The following DMD variants were observed in gnomAD, a reference collection of about 807,000 sequenced individuals.
The protein encoded by DMD is mutant dystrophin.
A neutral mutation model predicts 330.1 loss-of-function variants in DMD; 63 were observed. The observed-to-expected ratio is 0.19, with a 90% CI of 0.16 to 0.24. DMD has a LOEUF of 0.24. DMD is among the 10% of genes least tolerant of loss of function. The pLI, the probability that DMD is intolerant of heterozygous loss-of-function variation, is 1.00. For missense variants in DMD, 3,344 were observed against 2,684.1 expected, an observed-to-expected ratio of 1.25 and a Z score of -5.43; for synonymous variants, 1,223 against 959.8, an observed-to-expected ratio of 1.27 and a Z score of -5.07.
intron 2 of DMD, among the ~76,000 whole-genome samples, chrX:32,886,421 A>G (rs990976658): frequency 9.0e-6 from 1 of 111,177 alleles, no homozygotes; most frequent in African/African-American, 3.3e-5. Flanking sequence ...CGGTGGCTCA[A>G]GCCTGTAATC....
At chrX:31,250,345 T>A (rs1417689646) in intron 63 of DMD, among the ~76,000 whole-genome samples, 1 of 111,900 alleles carries the variant, frequency 8.9e-6, no homozygotes, top group Non-Finnish European at 1.9e-5. Context: ...CTATGCTTTG[T>A]CTTCTAAAAC....
intron 44 of DMD, among the ~76,000 whole-genome samples, chrX:32,151,993 T>A (rs12014246): frequency 0.015 from 1,735 of 112,214 alleles, 42 homozygotes; most frequent in African/African-American, 0.053. Context: ...AATAGCTGTT[T>A]AAATAGCCCT....
At chrX:31,627,961 T>C (rs1160858133) in intron 54 of DMD, 99 bp from the exon 55 acceptor site, 20 of 789,836 alleles carry the variant, frequency 2.5e-5, no homozygotes, top group Non-Finnish European at 7.5e-6. Context: ...TAAATTGTAA[T>C]ATACCAACAA....
intron 76 of DMD, among the ~76,000 whole-genome samples, chrX:31,141,976 A>G (rs1191308857): frequency 9.0e-6 from 1 of 111,521 alleles, no homozygotes; most frequent in Non-Finnish European, 1.9e-5. Flanking sequence ...TCACTTGGAT[A>G]CAAGCAGACA....
chrX:31,157,678 A>G (rs2038306855), intron 74 of DMD, among the ~76,000 whole-genome samples: 1 of 111,603 alleles, frequency 9.0e-6, no homozygotes, highest in Admixed American at 9.5e-5. Flanking sequence ...ACTTAGTCTT[A>G]AGTTCTCCCA....
In DMD at chrX:31,602,321, G is replaced by GT. The variant is rs773800072; in HGVS notation, c.8217+25351dup. On this transcript the variant is annotated intron_variant, in intron 55 of 78. Coordinates refer to ENST00000357033, the MANE Select transcript of DMD (RefSeq NM_004006.3). ...GTCAATTCACTGGCTCCTTTCTCCA[G>GT]TTTTTTTTTTTTTTTTTAAACACCT... Among the ~76,000 whole-genome samples, 651 of 91,796 alleles carry GT rather than the reference G, an allele frequency of 7.1e-3. 2 individuals are homozygous for GT. Among genetic ancestry groups the GT allele is most frequent in the African/African-American group, 9.6e-3 (247 of 25,817 alleles). 79.7% of individuals were successfully genotyped at this position (91,796 alleles called of 115,157 possible).
intron 2 of DMD, among the ~76,000 whole-genome samples, chrX:32,923,586 T>C (rs1458467299): frequency 9.1e-6 from 1 of 110,251 alleles, no homozygotes; most frequent in Non-Finnish European, 1.9e-5. Flanking sequence ...AAACAAAAAA[T>C]CAACTTTATC....
chrX:32,962,045 G>A (rs1419000364), intron 2 of DMD, among the ~76,000 whole-genome samples: 1 of 111,456 alleles, frequency 9.0e-6, no homozygotes, highest in South Asian at 3.7e-4. Context: ...TTCTAGCTGG[G>A]GAAGGCTGAT....
At chrX:32,435,478 C>A (rs964334730) in intron 29 of DMD, among the ~76,000 whole-genome samples, 49 of 108,155 alleles carry the variant, frequency 4.5e-4, no homozygotes, top group Middle Eastern at 4.8e-3. Context: ...ACAAAAAAAA[C>A]CCCCTATGAA....
At chrX:33,081,721 T>C (rs2094933093) in intron 1 of DMD, among the ~76,000 whole-genome samples, 1 of 111,858 alleles carries the variant, frequency 8.9e-6, no homozygotes, top group South Asian at 3.7e-4. Context: ...ACCAAAAGCA[T>C]GCTTCTCTGG....
chrX:33,169,900 T>C (rs751875288), intron 1 of DMD, among the ~76,000 whole-genome samples: 8 of 110,440 alleles, frequency 7.2e-5, no homozygotes, highest in Non-Finnish European at 1.3e-4. Flanking sequence ...AATCAGTCAA[T>C]ACAACGTAGT....
At chrX:32,411,199 C>T (rs1223181649) in intron 30 of DMD, among the ~76,000 whole-genome samples, 3 of 111,494 alleles carry the variant, frequency 2.7e-5, no homozygotes, top group South Asian at 3.8e-4. Flanking sequence ...GGTGCAATCT[C>T]GGCTCACTGC....
intron 1 of DMD, among the ~76,000 whole-genome samples, chrX:33,317,050 A>C (rs1186517250): frequency 9.0e-6 from 1 of 111,081 alleles, no homozygotes; most frequent in African/African-American, 3.3e-5. Context: ...AAGAATATCT[A>C]AAATTTCAAA....
At chrX:32,806,908 A>T (rs2076982604) in intron 7 of DMD, among the ~76,000 whole-genome samples, 1 of 110,021 alleles carries the variant, frequency 9.1e-6, no homozygotes, top group Non-Finnish European at 1.9e-5. Flanking sequence ...GAACAAAGAT[A>T]CAATGTGCCA....
chrX:31,146,617 T>C (rs1338292948), intron 75 of DMD, among the ~76,000 whole-genome samples: 20 of 111,789 alleles, frequency 1.8e-4, no homozygotes, highest in Non-Finnish European at 2.4e-4. Context: ...TGCTCCCTTA[T>C]AAATTTGAGA....
chrX:32,834,101 C>T (rs759359671), intron 4 of DMD, among the ~76,000 whole-genome samples: 120 of 111,266 alleles, frequency 1.1e-3, no homozygotes, highest in African/African-American at 3.6e-3. Context: ...TAATGCATTT[C>T]GCAGATGATA....
intron 45 of DMD, among the ~76,000 whole-genome samples, chrX:31,956,538 T>C (rs55810964): frequency 0.31 from 34,602 of 110,332 alleles, 4,129 homozygotes; most frequent in East Asian, 0.54. Context: ...TCAGATAAGA[T>C]TAGTGACTTG....
intron 1 of DMD, among the ~76,000 whole-genome samples, chrX:33,153,222 C>T (rs181447123): frequency 8.9e-6 from 1 of 112,729 alleles, no homozygotes; most frequent in African/African-American, 3.2e-5. Flanking sequence ...ACCAGCCTGA[C>T]CAACATGGAG....
At position 32,916,461 on chromosome X, in the gene DMD, T is replaced by C. The variant is rs1446808263; in HGVS notation, c.94-66641A>G. Among the ~76,000 whole-genome samples the C allele has an allele frequency of 5.4e-5, 6 of 111,795 alleles. No individual in the cohort carries two copies. The East Asian group carries it at 1.7e-3, about 31-fold the overall frequency. On this transcript the variant is annotated intron_variant, in intron 2 of 78. Transcript: ENST00000357033. ...ATAAATCATATAAAACTCTAGCCAA[T>C]TTAAGCAACTGTAATCCCTTTAGAC...
Sources: allele counts gnomAD v4.1 joint callset (sites outside exome capture counted in the v4.1 genomes callset), GRCh38; gene constraint gnomAD v4.1.1; transcripts MANE v1.5; gene names NCBI Gene and HGNC (gene_info 2026-07-23, HGNC 2026-07-21).